Variants in PTGFR observed in about 807,000 individuals in gnomAD.
The protein encoded by PTGFR is prostaglandin F receptor.
In PTGFR, 15 loss-of-function variants were observed where a neutral mutation model predicts 26.2. That is an observed-to-expected ratio of 0.57 (90% CI 0.38 to 0.88). The LOEUF (loss-of-function observed/expected upper bound fraction) is 0.88. Ranked by LOEUF, PTGFR falls within the 40% of genes least tolerant of loss-of-function variation. The pLI is 0.00. For missense variants in PTGFR, 369 were observed against 427.2 expected (o/e 0.86, Z 1.20); for synonymous variants, 165 against 151.1 (o/e 1.09, Z -0.68).
At chr1:78,518,303 A>G (rs1650140376) in intron 2 of PTGFR, among the ~76,000 whole-genome samples, 1 of 152,066 alleles carries the variant, frequency 6.6e-6, no homozygotes, top group Admixed American at 6.6e-5. Flanking sequence ...ATAGACATTC[A>G]TTTGGCTGAG....
At chr1:78,497,866 C>G (rs751294805) in intron 2 of PTGFR, 2 of 1,563,766 alleles carry the variant, frequency 1.3e-6, no homozygotes, top group Non-Finnish European at 1.8e-6. Context: ...GTTTTACCTT[C>G]TCTTCAGGGA....
At chr1:78,533,788 A>G (rs567515013) in intron 2 of PTGFR, among the ~76,000 whole-genome samples, 17 of 152,290 alleles carry the variant, frequency 1.1e-4, no homozygotes, top group Admixed American at 9.8e-4. Context: ...CTTAGCAAAC[A>G]TGGGCTCTAT....
chr1:78,493,559 T>G lies in PTGFR; in HGVS notation c.798+18T>G. On this transcript the variant is annotated intron_variant, in intron 2 of 2. Transcript: ENST00000370757. ...CATTTCTGGTAAGAGCCTGAAGTTT[T>G]GACTTCTGCTTTCTTGGGTTAATCC... The G allele has an allele frequency of 6.6e-7, 1 of 1,514,144 alleles. No homozygotes were observed. Among genetic ancestry groups the G allele is most frequent in the Non-Finnish European group, 8.8e-7 (1 of 1,133,954 alleles). 93.8% of individuals were successfully genotyped at this position (1,514,144 alleles called of 1,614,324 possible).
intron 2 of PTGFR, among the ~76,000 whole-genome samples, chr1:78,520,550 C>T: frequency 6.6e-6 from 1 of 152,078 alleles, no homozygotes; most frequent in East Asian, 1.9e-4. Context: ...TGACAATCTC[C>T]TAAGAGCAGA....
At chr1:78,506,817 T>C (rs1232783928) in intron 2 of PTGFR, among the ~76,000 whole-genome samples, 1 of 152,156 alleles carries the variant, frequency 6.6e-6, no homozygotes, top group Non-Finnish European at 1.5e-5. Flanking sequence ...CTATTTTCTT[T>C]TGAGAGCAAG....
intron 2 of PTGFR, among the ~76,000 whole-genome samples, chr1:78,529,302 T>C (rs185222471): frequency 3.3e-5 from 5 of 152,308 alleles, no homozygotes; most frequent in Admixed American, 2.6e-4. Flanking sequence ...TTACAACTAA[T>C]TACTGGACTA....
At chr1:78,530,348 C>A (rs1650474059) in intron 2 of PTGFR, among the ~76,000 whole-genome samples, 1 of 152,058 alleles carries the variant, frequency 6.6e-6, no homozygotes, top group South Asian at 2.1e-4. Flanking sequence ...AGATTTGGAG[C>A]AAAACATTTA....
chr1:78,538,191 C>T lies in PTGFR; in HGVS notation c.*1504C>T, dbSNP rs1570306888. ...GAACAGAGATATAAGGAACCATTCTCCATCCTTCCTTATCATGCTGGGTAC... is the reference window on the plus strand; with the variant it reads ...GAACAGAGATATAAGGAACCATTCTTCATCCTTCCTTATCATGCTGGGTAC... On this transcript the variant is annotated 3_prime_UTR_variant, in exon 3 of 3. Transcript: ENST00000370757. 1 of 152,062 alleles carries T rather than the reference C, an allele frequency of 6.6e-6. No individual in the cohort carries two copies. The highest frequency in any genetic ancestry group is 1.5e-5 in the Non-Finnish European group (1 of 68,004). The allele number at this position is 152,062 out of a possible 1,614,324, so 9.4% of individuals were successfully genotyped here.
intron 2 of PTGFR, among the ~76,000 whole-genome samples, chr1:78,519,671 C>T (rs61769139): frequency 0.054 from 8,173 of 152,138 alleles, 265 homozygotes; most frequent in African/African-American, 0.091. Flanking sequence ...ATGAACAGAA[C>T]CAGCTTTGTT....
rs1650749066 is a variant in PTGFR at position 78,539,710 on chromosome 1, C to T, written c.*3023C>T. On this transcript the variant is annotated 3_prime_UTR_variant, in exon 3 of 3. Coordinates refer to ENST00000370757, the MANE Select transcript of PTGFR (RefSeq NM_000959.4). ...TTTTAGTGCTTTGACTAGCTTAAAA[C>T]TTCAAACAAGTAATTTTATAATAAA... 6.6e-6 allele frequency: 1 copy of T among 152,498 alleles called. No homozygotes were observed. The highest frequency in any genetic ancestry group is 2.1e-4 in the South Asian group (1 of 4,826). The allele number at this position is 152,498 out of a possible 1,614,324, so 9.4% of individuals were successfully genotyped here. A position where few individuals can be genotyped will look rare whatever the true frequency, so the allele number is the denominator to read the frequency against.
chr1:78,503,207 A>G (rs1649751467), intron 2 of PTGFR, among the ~76,000 whole-genome samples: 1 of 150,658 alleles, frequency 6.6e-6, no homozygotes, highest in Non-Finnish European at 1.5e-5. Flanking sequence ...AAAATTTTTC[A>G]AGTAATAAAA....
At position 78,493,494 on chromosome 1, in the gene PTGFR, C is replaced by T. The variant is rs142217993; in HGVS notation, c.751C>T (p.Leu251Phe). 1.9e-6 allele frequency: 3 copies of T among 1,578,306 alleles called. No homozygotes were observed. The highest frequency in any genetic ancestry group is 2.6e-6 in the Non-Finnish European group (3 of 1,163,092). Residue 251 changes from leucine to phenylalanine, a missense_variant, in exon 2 of 3, where the codon CTC becomes TTC. Physicochemically the swap from Leu to Phe is conservative, Grantham distance 22. Coordinates refer to ENST00000370757, the MANE Select transcript of PTGFR (RefSeq NM_000959.4). ...TCATCATTTGGAAATGGTAATCCAGCTCCTGGCGATAATGTGTGTCTCCTG... is the reference window on the plus strand; with the variant it reads ...TCATCATTTGGAAATGGTAATCCAGTTCCTGGCGATAATGTGTGTCTCCTG... Reference protein sequence around the residue: ...RSHHLEMVIQLLAIMCVSCIC... With the variant: ...RSHHLEMVIQFLAIMCVSCIC...
intron 2 of PTGFR, among the ~76,000 whole-genome samples, chr1:78,519,307 C>T (rs1224601896): frequency 2.0e-5 from 3 of 152,014 alleles, no homozygotes. Flanking sequence ...TGCCACGTGT[C>T]CTTCGGCAAA....
chr1:78,525,143 G>A (rs1426573086), intron 2 of PTGFR, among the ~76,000 whole-genome samples: 1 of 151,714 alleles, frequency 6.6e-6, no homozygotes, highest in African/African-American at 2.4e-5. Context: ...ATACTGCCAT[G>A]CTCAAAGATG....
chr1:78,492,072 A>G (rs1196782721), intron 1 of PTGFR, among the ~76,000 whole-genome samples: 1 of 151,838 alleles, frequency 6.6e-6, no homozygotes. Context: ...GAGACTCACC[A>G]CTCTGCTTTT....
At chr1:78,495,024 T>A (rs913100815) in intron 2 of PTGFR, among the ~76,000 whole-genome samples, 1 of 152,244 alleles carries the variant, frequency 6.6e-6, no homozygotes, top group Non-Finnish European at 1.5e-5. Flanking sequence ...GGAGTTCTAC[T>A]TCTCTAATAT....
intron 2 of PTGFR, among the ~76,000 whole-genome samples, chr1:78,522,704 G>A (rs1209234086): frequency 2.0e-5 from 3 of 151,966 alleles, no homozygotes; most frequent in African/African-American, 4.8e-5. Context: ...GGCTTTACTG[G>A]CCCAACAAGA....
intron 2 of PTGFR, among the ~76,000 whole-genome samples, chr1:78,528,214 G>C (rs897833802): frequency 7.5e-6 from 1 of 132,766 alleles, no homozygotes; most frequent in African/African-American, 2.9e-5. Context: ...AACTAAGAAA[G>C]ATGAATTTCA....
At chr1:78,508,290 G>A (rs1197464325) in intron 2 of PTGFR, among the ~76,000 whole-genome samples, 2 of 152,090 alleles carry the variant, frequency 1.3e-5, no homozygotes, top group East Asian at 3.9e-4. Context: ...TGCCTAGACA[G>A]ATTTGGTATT....
Sources: allele counts gnomAD v4.1 joint callset (sites outside exome capture counted in the v4.1 genomes callset), GRCh38; gene constraint gnomAD v4.1.1; transcripts MANE v1.5; gene names NCBI Gene and HGNC (gene_info 2026-07-23, HGNC 2026-07-21).